TRPS1: variants seen among roughly 807,000 people sequenced by gnomAD.
The protein encoded by TRPS1 is zinc finger transcription factor Trps1.
Under a neutral mutation model 101.2 loss-of-function variants are expected in TRPS1, and 6 were observed. The observed-to-expected ratio is 0.06, with a 90% confidence interval of 0.03 to 0.12. The LOEUF is 0.12. Among genes scored for constraint, TRPS1 ranks in the 10% least tolerant of loss-of-function variants. The probability of loss-of-function intolerance (pLI) is 1.00; values close to 1 mark genes in which losing one functional copy is unlikely to be tolerated. For synonymous variants in TRPS1, 578 were observed against 589.8 expected (o/e 0.98, Z 0.29); for missense variants, 1,363 against 1,567.0 (o/e 0.87, Z 2.20).
At chr8:115,583,397 C>T (rs550382226) in intron 5 of TRPS1, among the ~76,000 whole-genome samples, 27 of 151,912 alleles carry the variant, frequency 1.8e-4, no homozygotes, top group African/African-American at 5.8e-4. Context: ...ACTGTTGGTA[C>T]AGGTAATTTT....
chr8:115,521,394 A>C (rs1815857805), intron 5 of TRPS1, among the ~76,000 whole-genome samples: 1 of 151,958 alleles, frequency 6.6e-6, no homozygotes, highest in East Asian at 1.9e-4. Context: ...AAAAAAGAGA[A>C]GAAAAATTTC....
At chr8:115,567,045 T>C (rs1019073485) in intron 5 of TRPS1, among the ~76,000 whole-genome samples, 1 of 152,122 alleles carries the variant, frequency 6.6e-6, no homozygotes, top group Non-Finnish European at 1.5e-5. Flanking sequence ...AAAATTTACA[T>C]TGCTTTCCCT....
chr8:115,532,894 A>G (rs1816169688), intron 5 of TRPS1, among the ~76,000 whole-genome samples: 1 of 152,150 alleles, frequency 6.6e-6, no homozygotes, highest in South Asian at 2.1e-4. Flanking sequence ...GCCAAAGAGG[A>G]ACATTATCAG....
At chr8:115,623,185 C>G (rs1342718575) in intron 2 of TRPS1, among the ~76,000 whole-genome samples, 2 of 151,800 alleles carry the variant, frequency 1.3e-5, no homozygotes, top group African/African-American at 2.4e-5. Flanking sequence ...TGAATAGAGC[C>G]CTTAATAATA....
chr8:115,494,729 T>C (rs758140861), intron 5 of TRPS1, among the ~76,000 whole-genome samples: 11 of 152,146 alleles, frequency 7.2e-5, no homozygotes, highest in Admixed American at 3.3e-4. Flanking sequence ...TTTTAACCTC[T>C]TGATGAATTA....
intron 5 of TRPS1, among the ~76,000 whole-genome samples, chr8:115,539,154 A>G (rs1816392527): frequency 6.6e-6 from 1 of 152,204 alleles, no homozygotes. Flanking sequence ...TCCTAGAAAT[A>G]TAAGGAATAA....
rs1817262487 is a variant in TRPS1 at position 115,573,925 on chromosome 8, GA to G, written c.2700+13075del. 2.0e-5 allele frequency among the ~76,000 whole-genome samples: 3 copies of G among 152,178 alleles called. No individual in the cohort carries two copies. In the South Asian group the frequency reaches 6.2e-4, roughly 32 times the overall value. ...AGTCTTCCTTTCCGAAACAAGCTCAGAAAACCTTTTGGGACAACTAAGTCGG... is the reference window on the plus strand; with the variant it reads ...AGTCTTCCTTTCCGAAACAAGCTCAGAAACCTTTTGGGACAACTAAGTCGG... On this transcript the variant is annotated intron_variant, in intron 5 of 6. Transcript: ENST00000395715.
At chr8:115,580,080 T>C (rs1586424072) in intron 5 of TRPS1, among the ~76,000 whole-genome samples, 1 of 151,890 alleles carries the variant, frequency 6.6e-6, no homozygotes, top group Admixed American at 6.6e-5. Context: ...ATGAAACAAT[T>C]TGCCTTTCCT....
intron 4 of TRPS1, among the ~76,000 whole-genome samples, chr8:115,590,647 G>A (rs13275142): frequency 0.7 from 106,047 of 152,100 alleles, 38,362 homozygotes; most frequent in African/African-American, 0.89. Context: ...ACATGTAAGC[G>A]TGTAGACTCT....
intron 5 of TRPS1, among the ~76,000 whole-genome samples, chr8:115,557,484 T>C (rs1316704002): frequency 1.3e-5 from 2 of 152,158 alleles, no homozygotes; most frequent in Non-Finnish European, 2.9e-5. Context: ...AGTAATTGAA[T>C]CATGGGAGCA....
chr8:115,549,418 C>T (rs2130333290), intron 5 of TRPS1, among the ~76,000 whole-genome samples: 1 of 152,172 alleles, frequency 6.6e-6, no homozygotes, highest in South Asian at 2.1e-4. Flanking sequence ...ATGATAACAT[C>T]AATACCATAA....
chr8:115,426,223 T>G (rs1180708344), intron 5 of TRPS1, among the ~76,000 whole-genome samples: 1 of 152,198 alleles, frequency 6.6e-6, no homozygotes, highest in African/African-American at 2.4e-5. Flanking sequence ...GGAGGCACAG[T>G]TAAACAATTT....
In TRPS1 at chr8:115,408,622, GAAAAC is replaced by G. The variant is rs2129713934; in HGVS notation, c.*5396_*5400del. On this transcript the variant is annotated 3_prime_UTR_variant, in exon 7 of 7. Coordinates refer to ENST00000395715, the MANE Select transcript of TRPS1 (RefSeq NM_014112.5). ...GTGAGTAGAAATGAACATGCACTAT[GAAAAC>G]AAAATAAAATAAAACGAAAAAATTT... 6.6e-6 allele frequency: 1 copy of G among 150,864 alleles called. No homozygotes were observed. Among genetic ancestry groups the G allele is most frequent in the East Asian group, 2.0e-4 (1 of 5,050 alleles). 9.3% of individuals were successfully genotyped at this position (150,864 alleles called of 1,614,324 possible).
In TRPS1 at chr8:115,619,172, G is replaced by A. The variant is rs768333470; in HGVS notation, c.926C>T (p.Ser309Phe). The A allele has an allele frequency of 6.2e-7, 1 of 1,614,164 alleles. No homozygotes were observed. The highest frequency in any genetic ancestry group is 8.5e-7 in the Non-Finnish European group (1 of 1,180,026). ...CCCATTTAGTAAAACAGGCCTTGAA[G>A]AATTGATGTCCTGCAGCACACCAGA... ...VFSGVLQDIN[S>F]SRPVLLNGTY... Residue 309 changes from serine to phenylalanine, a missense_variant, in exon 3 of 7, where the codon TCT becomes TTT. Transcript: ENST00000395715.
At chr8:115,428,730 G>T (rs1213132826) in intron 5 of TRPS1, among the ~76,000 whole-genome samples, 1 of 151,976 alleles carries the variant, frequency 6.6e-6, no homozygotes. Context: ...CGGGGAATGG[G>T]GCAGTGGGAG....
intron 5 of TRPS1, among the ~76,000 whole-genome samples, chr8:115,552,973 T>C (rs1816737528): frequency 6.6e-6 from 1 of 152,098 alleles, no homozygotes; most frequent in Non-Finnish European, 1.5e-5. Context: ...TCTAGAATGC[T>C]GAAATGTAAA....
intron 5 of TRPS1, among the ~76,000 whole-genome samples, chr8:115,581,303 A>C (rs1233981041): frequency 6.6e-6 from 1 of 152,106 alleles, no homozygotes; most frequent in East Asian, 1.9e-4. Context: ...AAGGATATGA[A>C]GTTATAGCTA....
chr8:115,475,266 TTATATATATATATATATA>T (rs33922102), intron 5 of TRPS1, among the ~76,000 whole-genome samples: 13 of 124,004 alleles, frequency 1.0e-4, no homozygotes, highest in South Asian at 5.2e-4. Context: ...TGAATCACAG[TTATATATATATATATATA>T]TATATATATA....
intron 5 of TRPS1, among the ~76,000 whole-genome samples, chr8:115,525,222 A>G (rs2130243943): frequency 6.6e-6 from 1 of 152,252 alleles, no homozygotes; most frequent in Middle Eastern, 3.4e-3. Flanking sequence ...AGGATTGTAT[A>G]GTAAAATTTC....
Sources: gnomAD v4.1 joint callset for allele counts (sites outside exome capture counted in the v4.1 genomes callset) on GRCh38, gnomAD v4.1.1 for gene constraint, MANE v1.5 for transcripts, NCBI Gene and HGNC (gene_info 2026-07-23, HGNC 2026-07-21) for gene names.